TPMT: variants seen among roughly 807,000 people sequenced by gnomAD.
The protein encoded by TPMT is thiopurine S-methyltransferase.
A neutral mutation model predicts 34.2 loss-of-function variants in TPMT; 18 were observed. The observed-to-expected ratio is 0.53, with a 90% CI of 0.36 to 0.78. The LOEUF is 0.78. Ranked by LOEUF, TPMT falls within the 30% of genes least tolerant of loss-of-function variation. The probability of loss-of-function intolerance (pLI) is 0.00; values close to 1 mark genes in which losing one functional copy is unlikely to be tolerated. For missense variants in TPMT, 265 were observed against 288.1 expected (o/e 0.92, Z 0.58); for synonymous variants, 69 against 92.4 (o/e 0.75, Z 1.45).
intron 1 of TPMT, among the ~76,000 whole-genome samples, chr6:18,152,587 CTTTCT>C (rs1031264595): frequency 6.0e-5 from 9 of 149,078 alleles, no homozygotes; most frequent in African/African-American, 2.2e-4. Context: ...CCTTTTCTTT[CTTTCT>C]TTTTTTTTTT....
Position 18,149,472 on chromosome 6 carries a change from T to G in TPMT, c.-44-301A>C, listed in dbSNP as rs959120926. Among the ~76,000 whole-genome samples, 2 of 140,536 alleles carry G rather than the reference T, an allele frequency of 1.4e-5. No individual in the cohort carries two copies. Among genetic ancestry groups the G allele is most frequent in the African/African-American group, 5.4e-5 (2 of 37,050 alleles). 92.2% of individuals were successfully genotyped at this position (140,536 alleles called of 152,430 possible). On this transcript the variant is annotated intron_variant, in intron 1 of 8. Coordinates refer to ENST00000309983, the MANE Select transcript of TPMT (RefSeq NM_000367.5). The surrounding 1 kb of genome is among the most constrained non-coding windows in gnomAD (Gnocchi z 5.0). ...TGCCCAGCTAATCTTTCTTTCCTTG[T>G]TTTTTTTTTTTTCAGAGACAAGGTC... is the stretch of plus-strand genomic sequence containing the variant.
chr6:18,134,582 G>C (rs960477999), intron 6 of TPMT, among the ~76,000 whole-genome samples: 1 of 152,220 alleles, frequency 6.6e-6, no homozygotes, highest in Non-Finnish European at 1.5e-5. Flanking sequence ...GTGGGAAGCT[G>C]ATGCTAACAG....
rs1299363311 is a variant in TPMT at position 18,130,356 on chromosome 6, TA to T, written c.*311del. ...ATTTAATATGCATTGCATTTTGAAA[TA>T]TTTTTTTAATTGTACAGGTAACACA... On this transcript the variant is annotated 3_prime_UTR_variant, in exon 9 of 9. Coordinates refer to ENST00000309983, the MANE Select transcript of TPMT (RefSeq NM_000367.5). This position sits in a 1 kb window ranked among gnomAD's most constrained non-coding sequence, Gnocchi z 4.2. 10 of 257,830 alleles carry T rather than the reference TA, an allele frequency of 3.9e-5. No individual in the cohort carries two copies. The highest frequency in any genetic ancestry group is 1.0e-4 in the South Asian group (2 of 19,384). The allele number at this position is 257,830 out of a possible 1,614,324, so 16.0% of individuals were successfully genotyped here.
Position 18,132,139 on chromosome 6 carries a change from A to G in TPMT, c.619T>C (p.Leu207=). ...FYVPHAEIER[L]FGKICNIRCL... ...CATAAGTCCACAAACTTACCAAACA[A>G]CCTTTCAATTTCAGCATGTGGAACA... The change falls in exon 8 of 9, where the codon TTG becomes CTG. Residue 207 remains leucine, a synonymous_variant. Coordinates refer to ENST00000309983, the MANE Select transcript of TPMT (RefSeq NM_000367.5). The surrounding 1 kb of genome is among the most constrained non-coding windows in gnomAD (Gnocchi z 4.8). 1 of 1,614,154 alleles carries G rather than the reference A, an allele frequency of 6.2e-7. No individual in the cohort carries two copies. The highest frequency in any genetic ancestry group is 8.5e-7 in the Non-Finnish European group (1 of 1,180,004).
In TPMT at chr6:18,150,702, T is replaced by C. The variant is rs115303193; in HGVS notation, c.-44-1531A>G. The stretch of plus-strand genomic sequence containing the variant: ...AGAATGTTTTTCCATTTTGCATGTA[T>C]AAAACACGGTTAGACTATTCCTCAT... On this transcript the variant is annotated intron_variant, in intron 1 of 8. Transcript: ENST00000309983. The surrounding 1 kb of genome is among the most constrained non-coding windows in gnomAD (Gnocchi z 5.3). Among the ~76,000 whole-genome samples the C allele has an allele frequency of 5.7e-3, 875 of 152,358 alleles. 6 individuals are homozygous for C. The highest frequency in any genetic ancestry group is 0.01 in the Middle Eastern group (3 of 294).
At chr6:18,141,462 C>T (rs1462672976) in intron 4 of TPMT, among the ~76,000 whole-genome samples, 1 of 151,990 alleles carries the variant, frequency 6.6e-6, no homozygotes, top group South Asian at 2.1e-4. Flanking sequence ...GCCTCAGCCT[C>T]CAGAGTAGCT....
At position 18,145,507 on chromosome 6, in the gene TPMT, C is replaced by T. The variant is rs1470132748; in HGVS notation, c.234-1779G>A. ...ATTTATTTCATGCTCAAATTTTTCCCTAATATATCAATTGAGTTAGAATTC... is the reference window on the plus strand; with the variant it reads ...ATTTATTTCATGCTCAAATTTTTCCTTAATATATCAATTGAGTTAGAATTC... On this transcript the variant is annotated intron_variant, in intron 3 of 8. Transcript: ENST00000309983. This position sits in a 1 kb window ranked among gnomAD's most constrained non-coding sequence, Gnocchi z 5.6. Among the ~76,000 whole-genome samples, 1 of 152,254 alleles carries T rather than the reference C, an allele frequency of 6.6e-6. No homozygotes were observed. The highest frequency in any genetic ancestry group is 1.9e-4 in the East Asian group (1 of 5,180).
At position 18,139,813 on chromosome 6, in the gene TPMT, G is replaced by A. The variant is rs1784110699; in HGVS notation, c.367-96C>T. The A allele has an allele frequency of 1.3e-6, 1 of 744,828 alleles. No individual in the cohort carries two copies. The highest frequency in any genetic ancestry group is 2.3e-6 in the Non-Finnish European group (1 of 439,522). The allele number at this position is 744,828 out of a possible 1,614,324, so 46.1% of individuals were successfully genotyped here. A position where few individuals can be genotyped will look rare whatever the true frequency, so the allele number is the denominator to read the frequency against. On this transcript the variant is annotated intron_variant, in intron 4 of 8. Coordinates refer to ENST00000309983, the MANE Select transcript of TPMT (RefSeq NM_000367.5). The surrounding 1 kb of genome is among the most constrained non-coding windows in gnomAD (Gnocchi z 4.2). ...GGCCAAGCAAAGCAAAAGTTCTAGG[G>A]AAAGAATGTGTTAATTAAACATAAT...
chr6:18,150,630 G>T lies in TPMT; in HGVS notation c.-44-1459C>A, dbSNP rs1252794268. On this transcript the variant is annotated intron_variant, in intron 1 of 8. Transcript: ENST00000309983. The surrounding 1 kb of genome is among the most constrained non-coding windows in gnomAD (Gnocchi z 5.3). Reference sequence around the variant, plus strand: ...TTTTTTAGTGACCACGCTTATATTGGTGAAGCCTAACCTCCAGAGCTTCCT... The same window carrying T: ...TTTTTTAGTGACCACGCTTATATTGTTGAAGCCTAACCTCCAGAGCTTCCT... Among the ~76,000 whole-genome samples, 6 of 152,052 alleles carry T rather than the reference G, an allele frequency of 3.9e-5. No homozygotes were observed. Among genetic ancestry groups the T allele is most frequent in the African/African-American group, 1.4e-4 (6 of 41,410 alleles).
rs1038784188 is a variant in TPMT at position 18,131,922 on chromosome 6, C to T, written c.625+211G>A. On this transcript the variant is annotated intron_variant, in intron 8 of 8. Coordinates refer to ENST00000309983, the MANE Select transcript of TPMT (RefSeq NM_000367.5). The surrounding 1 kb of genome is among the most constrained non-coding windows in gnomAD (Gnocchi z 4.3). ...CCTCTCAAATAGTTGGGACTACAGG[C>T]ACATGCCACCACACTGGCCTAATTT... 6.6e-6 allele frequency among the ~76,000 whole-genome samples: 1 copy of T among 152,132 alleles called. No homozygotes were observed. Among genetic ancestry groups the T allele is most frequent in the Non-Finnish European group, 1.5e-5 (1 of 68,032 alleles).
rs1296990696 is a variant in TPMT at position 18,143,672 on chromosome 6, T to C, written c.290A>G (p.Gln97Arg). Residue 97 changes from glutamine to arginine, a missense_variant, in exon 4 of 9, where the codon CAA becomes CGA. By Grantham distance (43) the Gln-to-Arg change is conservative. Transcript: ENST00000309983. This position sits in a 1 kb window ranked among gnomAD's most constrained non-coding sequence, Gnocchi z 6.1. The part of the protein sequence containing the change: ...VGVEISELGI[Q>R]EFFTEQNLSY... ...AAGATTCTGCTCTGTAAAAAATTCT[T>C]GTATCCCAAGTTCACTGATTTCCAC... The C allele has an allele frequency of 1.2e-6, 2 of 1,614,106 alleles. No homozygotes were observed. Among genetic ancestry groups the C allele is most frequent in the Non-Finnish European group, 1.7e-6 (2 of 1,180,018 alleles).
Position 18,139,541 on chromosome 6 carries a change from CA to C in TPMT, c.419+123del. 6 of 810,814 alleles carry C rather than the reference CA, an allele frequency of 7.4e-6. No homozygotes were observed. Among genetic ancestry groups the C allele is most frequent in the African/African-American group, 1.7e-5 (1 of 57,888 alleles). 50.2% of individuals were successfully genotyped at this position (810,814 alleles called of 1,614,324 possible). A position where few individuals can be genotyped will look rare whatever the true frequency, so the allele number is the denominator to read the frequency against. ...TAAAAATATCTGCAGAACAGACATT[CA>C]AAAAAATGCTTTGTGGATGTTACAC... On this transcript the variant is annotated intron_variant, in intron 5 of 8. Transcript: ENST00000309983. This position sits in a 1 kb window ranked among gnomAD's most constrained non-coding sequence, Gnocchi z 4.2.
At position 18,130,459 on chromosome 6, in the gene TPMT, G is replaced by A; in HGVS notation, c.*209C>T. 1 of 513,916 alleles carries A rather than the reference G, an allele frequency of 1.9e-6. No individual in the cohort carries two copies. The highest frequency in any genetic ancestry group is 3.5e-6 in the Non-Finnish European group (1 of 285,160). The allele number at this position is 513,916 out of a possible 1,614,324, so 31.8% of individuals were successfully genotyped here. A position where few individuals can be genotyped will look rare whatever the true frequency, so the allele number is the denominator to read the frequency against. ...TCACATCATAATCTCCTCTCCAAAG[G>A]AGCTACTTTAAAAGTTTAGTTACAT... On this transcript the variant is annotated 3_prime_UTR_variant, in exon 9 of 9. Transcript: ENST00000309983. The surrounding 1 kb of genome is among the most constrained non-coding windows in gnomAD (Gnocchi z 4.2).
In TPMT at chr6:18,139,774, A is replaced by G. The variant is rs544291341; in HGVS notation, c.367-57T>C. The stretch of plus-strand genomic sequence containing the variant: ...TTTTTTACTTAGTAAGTACTTGAAT[A>G]GTCAAGGAAAGAGGGCCAAGCAAAG... On this transcript the variant is annotated intron_variant, in intron 4 of 8. Transcript: ENST00000309983. This position sits in a 1 kb window ranked among gnomAD's most constrained non-coding sequence, Gnocchi z 4.2. The G allele has an allele frequency of 1.8e-5, 22 of 1,218,892 alleles. No homozygotes were observed. The Admixed American group carries it at 4.1e-4, about 23-fold the overall frequency. The allele number at this position is 1,218,892 out of a possible 1,614,324, so 75.5% of individuals were successfully genotyped here. A position where few individuals can be genotyped will look rare whatever the true frequency, so the allele number is the denominator to read the frequency against.
At chr6:18,137,446 C>A (rs896027566) in intron 6 of TPMT, among the ~76,000 whole-genome samples, 1 of 151,980 alleles carries the variant, frequency 6.6e-6, no homozygotes, top group African/African-American at 2.4e-5. Flanking sequence ...CCTTTTTGGC[C>A]AAGTGATGAG....
rs957394085 is a variant in TPMT at position 18,135,221 on chromosome 6, C to T, written c.495-1332G>A. Among the ~76,000 whole-genome samples, 1 of 152,214 alleles carries T rather than the reference C, an allele frequency of 6.6e-6. No individual in the cohort carries two copies. Among genetic ancestry groups the T allele is most frequent in the African/African-American group, 2.4e-5 (1 of 41,450 alleles). Reference sequence around the variant, plus strand: ...ATCAAAGCAAACTTTTGAACAGAAACTGTTACTTTCTGATTCTCATTTTTC... The same window carrying T: ...ATCAAAGCAAACTTTTGAACAGAAATTGTTACTTTCTGATTCTCATTTTTC... On this transcript the variant is annotated intron_variant, in intron 6 of 8. Coordinates refer to ENST00000309983, the MANE Select transcript of TPMT (RefSeq NM_000367.5). This position sits in a 1 kb window ranked among gnomAD's most constrained non-coding sequence, Gnocchi z 5.0.
In TPMT at chr6:18,133,891, TACAAAGA is replaced by T. The variant is rs1194755040; in HGVS notation, c.495-9_495-3del. The T allele has an allele frequency of 6.2e-7, 1 of 1,612,266 alleles. No homozygotes were observed. Among genetic ancestry groups the T allele is most frequent in the South Asian group, 1.1e-5 (1 of 91,024 alleles). ...AGGGAAAACATTGTATCTGCATAGC[TACAAAGA>T]ACACAAGAAGGTATTTGTTACATTT... On this transcript the variant is annotated splice_region_variant and splice_polypyrimidine_tract_variant and intron_variant, in intron 6 of 8. Coordinates refer to ENST00000309983, the MANE Select transcript of TPMT (RefSeq NM_000367.5).
At position 18,128,779 on chromosome 6, in the gene TPMT, G is replaced by C. The variant is rs535247561; in HGVS notation, c.*1889C>G. On this transcript the variant is annotated 3_prime_UTR_variant, in exon 9 of 9. Transcript: ENST00000309983. The surrounding 1 kb of genome is among the most constrained non-coding windows in gnomAD (Gnocchi z 4.6). ...CTGTTGCCCAGGCTTGCGTGCAGTG[G>C]CATGATCTCAGCTCACTGCAACCTC... 1 of 152,404 alleles carries C rather than the reference G, an allele frequency of 6.6e-6. No homozygotes were observed. The highest frequency in any genetic ancestry group is 1.9e-4 in the East Asian group (1 of 5,174). The allele number at this position is 152,404 out of a possible 1,614,324, so 9.4% of individuals were successfully genotyped here.
rs1337716381 is a variant in TPMT, at chr6:18,138,240, C to G, written c.494+723G>C. On this transcript the variant is annotated intron_variant, in intron 6 of 8. Transcript: ENST00000309983. The surrounding 1 kb of genome is among the most constrained non-coding windows in gnomAD (Gnocchi z 4.1). ...TACCTTACAGAATTAAATGTTAAAC[C>G]ACATGAAATATTTTGATTTTTTTGT... 1.3e-5 allele frequency among the ~76,000 whole-genome samples: 2 copies of G among 150,258 alleles called. No individual in the cohort carries two copies. The highest frequency in any genetic ancestry group is 2.5e-5 in the African/African-American group (1 of 40,746).
Sources: allele counts gnomAD v4.1 joint callset (sites outside exome capture counted in the v4.1 genomes callset), GRCh38; gene constraint gnomAD v4.1.1; non-coding constraint Gnocchi (gnomAD v3.1); transcripts MANE v1.5; gene names NCBI Gene and HGNC (gene_info 2026-07-23, HGNC 2026-07-21).